PCDH15: variants seen among roughly 807,000 people sequenced by gnomAD.
The protein encoded by PCDH15 is protocadherin related 15, also known as protocadherin-15.
In PCDH15, 129 loss-of-function variants were observed where a neutral mutation model predicts 178.5. The observed-to-expected ratio is 0.72, with a 90% confidence interval of 0.63 to 0.84. PCDH15 has a LOEUF of 0.84. PCDH15 is among the 40% of genes least tolerant of loss of function. The probability of loss-of-function intolerance (pLI) is 0.00; values close to 1 mark genes in which losing one functional copy is unlikely to be tolerated. For missense variants in PCDH15, 2,230 were observed against 2,099.9 expected, an observed-to-expected ratio of 1.06 and a Z score of -1.21; for synonymous variants, 800 against 732.0, an observed-to-expected ratio of 1.09 and a Z score of -1.50.
intron 37 of PCDH15, 53 bp from the exon 38 acceptor site, chr10:53,807,183 A>AATG (rs1382720400): frequency 1.4e-6 from 2 of 1,406,370 alleles, no homozygotes; most frequent in Non-Finnish European, 9.5e-7. Context: ...TTAAAAAGGC[A>AATG]ATGATTACAT....
intron 2 of PCDH15, among the ~76,000 whole-genome samples, chr10:54,589,732 C>G (rs757869423): frequency 9.2e-5 from 14 of 152,046 alleles, no homozygotes; most frequent in South Asian, 4.1e-4. Flanking sequence ...TCCCGAGTAG[C>G]TGGGACTACA....
intron 3 of PCDH15, among the ~76,000 whole-genome samples, chr10:54,526,997 A>C (rs1419115887): frequency 6.6e-6 from 1 of 152,168 alleles, no homozygotes; most frequent in East Asian, 1.9e-4. Flanking sequence ...CACATACTTT[A>C]GAACAAATAT....
At chr10:54,266,547 T>C (rs190608919) in intron 8 of PCDH15, among the ~76,000 whole-genome samples, 3 of 151,796 alleles carry the variant, frequency 2.0e-5, no homozygotes, top group Admixed American at 2.0e-4. Context: ...TAAACAAAAT[T>C]GATAGACTGC....
At chr10:55,520,024 T>C (rs938028550) in intron 2 of PCDH15, among the ~76,000 whole-genome samples, 2 of 147,142 alleles carry the variant, frequency 1.4e-5, no homozygotes, top group Non-Finnish European at 3.0e-5. Context: ...TTATAAGGCA[T>C]ATATATATGC....
At chr10:54,702,119 G>T (rs2095314941) in intron 1 of PCDH15, among the ~76,000 whole-genome samples, 1 of 151,884 alleles carries the variant, frequency 6.6e-6, no homozygotes, top group Admixed American at 6.6e-5. Flanking sequence ...TCAGACCACA[G>T]CACAATAAAA....
upstream of PCDH15, among the ~76,000 whole-genome samples, chr10:54,804,898 T>G (rs562323678): frequency 9.1e-6 from 1 of 109,522 alleles, no homozygotes; most frequent in African/African-American, 3.2e-5. Context: ...TTTAATTTTT[T>G]TGGAATCTTG....
At chr10:55,422,226 A>C (rs1019999634) in intron 2 of PCDH15, among the ~76,000 whole-genome samples, 2 of 151,832 alleles carry the variant, frequency 1.3e-5, no homozygotes, top group Non-Finnish European at 1.5e-5. Flanking sequence ...GTAGATATTC[A>C]TTTGATAAGA....
At chr10:54,188,870 A>G (rs2133849825) in intron 11 of PCDH15, among the ~76,000 whole-genome samples, 1 of 152,090 alleles carries the variant, frequency 6.6e-6, no homozygotes, top group African/African-American at 2.4e-5. Flanking sequence ...ATATATATGT[A>G]TGCATATACA....
At chr10:55,370,703 G>C (rs1224899491) in intron 2 of PCDH15, among the ~76,000 whole-genome samples, 1 of 152,022 alleles carries the variant, frequency 6.6e-6, no homozygotes, top group South Asian at 2.1e-4. Context: ...TCTCTTTAAA[G>C]TAAATCAGAA....
chr10:55,293,312 T>C (rs920609073), intron 1 of PCDH15, among the ~76,000 whole-genome samples: 28 of 152,164 alleles, frequency 1.8e-4, no homozygotes, highest in Middle Eastern at 3.2e-3. Context: ...AACCATTTTG[T>C]CCTCTTAGGC....
intron 2 of PCDH15, among the ~76,000 whole-genome samples, chr10:54,549,573 T>G (rs568969185): frequency 6.6e-6 from 1 of 151,914 alleles, no homozygotes; most frequent in Non-Finnish European, 1.5e-5. Context: ...GCCTAGTATA[T>G]GGCCCATTTT....
rs923727218 is a variant in PCDH15 at position 55,374,103 on chromosome 10, A to G, written c.-155-207452T>C. On this transcript the variant is annotated intron_variant, in intron 2 of 5. Coordinates refer to the PCDH15 transcript ENST00000613346. ...TTAAAGTATAATAATAATAATAATA[A>G]TAATAATAATAATAATAATAAAAGA... 1.9e-3 allele frequency among the ~76,000 whole-genome samples: 291 copies of G among 149,632 alleles called. 1 individual carries two copies. Among genetic ancestry groups the G allele is most frequent in the African/African-American group, 5.1e-3 (210 of 40,918 alleles).
At position 55,483,160 on chromosome 10, in the gene PCDH15, C is replaced by T. The variant is rs181478069; in HGVS notation, c.-156+144465G>A. On this transcript the variant is annotated intron_variant, in intron 2 of 5. Transcript: ENST00000613346. The stretch of plus-strand genomic sequence containing the variant: ...ATGATATCTAATTAAAGAGTTTCTG[C>T]ACAGCAAAAGAAACTGTCAACAGAA... Among the ~76,000 whole-genome samples the T allele has an allele frequency of 2.0e-5, 3 of 151,828 alleles. No homozygotes were observed. In the East Asian group the frequency reaches 5.9e-4, roughly 30 times the overall value.
At position 54,103,193 on chromosome 10, in the gene PCDH15, C is replaced by T. The variant is rs572966489; in HGVS notation, c.1918-13130G>A. 2.6e-4 allele frequency among the ~76,000 whole-genome samples: 39 copies of T among 152,246 alleles called. 2 individuals are homozygous for T. In the South Asian group the frequency reaches 8.1e-3, roughly 32 times the overall value. Reference sequence around the variant, plus strand: ...TTATAATTCAAATTAGTCTTTTGTCCATTCTACATAGAAGTTTTCTGCTTA... The same window carrying T: ...TTATAATTCAAATTAGTCTTTTGTCTATTCTACATAGAAGTTTTCTGCTTA... On this transcript the variant is annotated intron_variant, in intron 15 of 37. Transcript: ENST00000644397.
chr10:53,803,496 G>C lies in PCDH15; in HGVS notation c.*3083C>G, dbSNP rs755065267. On this transcript the variant is annotated 3_prime_UTR_variant, in exon 38 of 38. Transcript: ENST00000644397. ...AAATAATAGTCTTTAACATCCCTGT[G>C]AACAATGTGGTAAAATAACATGAAT... 1.3e-5 allele frequency: 2 copies of C among 151,888 alleles called. No individual in the cohort carries two copies. The highest frequency in any genetic ancestry group is 2.9e-5 in the Non-Finnish European group (2 of 67,902). 9.4% of individuals were successfully genotyped at this position (151,888 alleles called of 1,614,324 possible).
At chr10:55,511,269 T>C (rs1458113568) in intron 2 of PCDH15, among the ~76,000 whole-genome samples, 1 of 151,956 alleles carries the variant, frequency 6.6e-6, no homozygotes, top group Non-Finnish European at 1.5e-5. Flanking sequence ...TCTATCCTTT[T>C]TGGTAACAGA....
At chr10:55,001,430 T>C (rs1839792255) in intron 2 of PCDH15, among the ~76,000 whole-genome samples, 1 of 152,170 alleles carries the variant, frequency 6.6e-6, no homozygotes, top group African/African-American at 2.4e-5. Context: ...GCTGAGGCCC[T>C]TCATGGATTC....
At chr10:54,491,832 C>T (rs1477605302) in intron 3 of PCDH15, among the ~76,000 whole-genome samples, 1 of 152,006 alleles carries the variant, frequency 6.6e-6, no homozygotes. Flanking sequence ...GTAAAAGTTT[C>T]CCTATTTGCT....
At chr10:54,242,132 A>G (rs1328773003) in intron 8 of PCDH15, among the ~76,000 whole-genome samples, 1 of 3,324 alleles carries the variant, frequency 3.0e-4, no homozygotes, top group East Asian at 0.01. Flanking sequence ...TTCTATTTTT[A>G]TATATATATA....
Sources: gnomAD v4.1 joint callset for allele counts (sites outside exome capture counted in the v4.1 genomes callset) on GRCh38, gnomAD v4.1.1 for gene constraint, MANE v1.5 for transcripts, NCBI Gene and HGNC (gene_info 2026-07-23, HGNC 2026-07-21) for gene names.